Variants in WDFY4 observed in about 807,000 individuals in gnomAD.
WDFY4 encodes WD repeat- and FYVE domain-containing protein 4.
A neutral mutation model predicts 351.9 loss-of-function variants in WDFY4; 169 were observed. The observed-to-expected ratio is 0.48, with a 90% CI of 0.42 to 0.55. The LOEUF is 0.55. Ranked by LOEUF, WDFY4 falls within the 20% of genes least tolerant of loss-of-function variation. The pLI is 0.00. For synonymous variants in WDFY4, 1,622 were observed against 1,574.6 expected, an observed-to-expected ratio of 1.03 and a Z score of -0.71; for missense variants, 3,803 against 3,935.6, an observed-to-expected ratio of 0.97 and a Z score of 0.90.
chr10:48,797,828 A>G (rs1461642048), intron 24 of WDFY4, among the ~76,000 whole-genome samples: 1 of 152,266 alleles, frequency 6.6e-6, no homozygotes, highest in African/African-American at 2.4e-5. Flanking sequence ...AACAATTTTT[A>G]GATTGTTGAT....
chr10:48,901,171 A>T (rs1455850115), intron 46 of WDFY4, among the ~76,000 whole-genome samples: 2 of 152,228 alleles, frequency 1.3e-5, no homozygotes, highest in Non-Finnish European at 2.9e-5. Context: ...TGCTAGTTCT[A>T]GGCGCACTTC....
intron 2 of WDFY4, among the ~76,000 whole-genome samples, chr10:48,718,803 C>T (rs766403447): frequency 1.3e-5 from 2 of 152,176 alleles, no homozygotes; most frequent in Admixed American, 6.5e-5. Context: ...GGATGAAAAG[C>T]GGACTTACGA....
At position 48,877,145 on chromosome 10, in the gene WDFY4, G is replaced by A. The variant is rs2070049980; in HGVS notation, c.7113G>A (p.Leu2371=). 1 of 1,551,502 alleles carries A rather than the reference G, an allele frequency of 6.4e-7. No homozygotes were observed. The highest frequency in any genetic ancestry group is 8.7e-7 in the Non-Finnish European group (1 of 1,146,938). The part of the protein sequence containing the change: ...LHESLHSEDF[L]ELCRERQVIL... ...AAAGTCTGCACTCAGAAGACTTCTT[G>A]GAACTGTGTCGGGAAAGACAAGTTA... The change falls in exon 43 of 62, where the codon TTG becomes TTA. Residue 2371 remains leucine, a synonymous_variant. Coordinates refer to ENST00000325239, the MANE Select transcript of WDFY4 (RefSeq NM_001394531.1).
intron 13 of WDFY4, among the ~76,000 whole-genome samples, chr10:48,768,016 G>C (rs1272431330): frequency 6.6e-6 from 1 of 152,116 alleles, no homozygotes; most frequent in Non-Finnish European, 1.5e-5. Flanking sequence ...GGACCACACT[G>C]GGGACTGTTG....
At chr10:48,888,664 G>A (rs889596136) in intron 43 of WDFY4, among the ~76,000 whole-genome samples, 5 of 152,126 alleles carry the variant, frequency 3.3e-5, no homozygotes, top group African/African-American at 7.2e-5. Flanking sequence ...CATCTTAGCC[G>A]TACTGACCAC....
In WDFY4 at chr10:48,890,569, C is replaced by G; in HGVS notation, c.7168-10C>G. ...GTGCACCACCTGACTCTGCCACTCT[C>G]TCCTTCCAGGTGACGCAGAAGTTCT... On this transcript the variant is annotated splice_polypyrimidine_tract_variant and intron_variant, in intron 43 of 61. Coordinates refer to ENST00000325239, the MANE Select transcript of WDFY4 (RefSeq NM_001394531.1). The G allele has an allele frequency of 6.4e-7, 1 of 1,551,706 alleles. No homozygotes were observed. Among genetic ancestry groups the G allele is most frequent in the Non-Finnish European group, 8.7e-7 (1 of 1,146,970 alleles).
At chr10:48,905,298 C>T (rs1837559332) in intron 47 of WDFY4, among the ~76,000 whole-genome samples, 1 of 152,196 alleles carries the variant, frequency 6.6e-6, no homozygotes, top group Admixed American at 6.5e-5. Flanking sequence ...AGCTTACCCC[C>T]AGCTGTGCCC....
chr10:48,761,164 G>C (rs2065489896), intron 13 of WDFY4, among the ~76,000 whole-genome samples: 1 of 152,060 alleles, frequency 6.6e-6, no homozygotes, highest in South Asian at 2.1e-4. Context: ...GGTGGGAAGG[G>C]GCCTGCTGTT....
intron 10 of WDFY4, among the ~76,000 whole-genome samples, chr10:48,734,553 G>A (rs1275724983): frequency 6.7e-6 from 1 of 148,938 alleles, no homozygotes; most frequent in Non-Finnish European, 1.5e-5. Flanking sequence ...TAATGACATA[G>A]ACACACCAAC....
chr10:48,908,272 G>A (rs1837727159), intron 47 of WDFY4, among the ~76,000 whole-genome samples: 1 of 152,216 alleles, frequency 6.6e-6, no homozygotes, highest in African/African-American at 2.4e-5. Context: ...GGGAACAGGT[G>A]TGCAAATGCC....
intron 43 of WDFY4, among the ~76,000 whole-genome samples, chr10:48,880,939 G>C (rs535973149): frequency 6.6e-6 from 1 of 152,138 alleles, no homozygotes; most frequent in African/African-American, 2.4e-5. Context: ...AGGCAGGGGT[G>C]GGGTAAAAAC....
At chr10:48,716,684 A>G (rs1398115123) in intron 2 of WDFY4, among the ~76,000 whole-genome samples, 1 of 152,202 alleles carries the variant, frequency 6.6e-6, no homozygotes, top group African/African-American at 2.4e-5. Flanking sequence ...ATTACTGTTC[A>G]GCTCACAGTG....
At chr10:48,895,429 G>C (rs773443325) in intron 44 of WDFY4, among the ~76,000 whole-genome samples, 1 of 152,218 alleles carries the variant, frequency 6.6e-6, no homozygotes, top group African/African-American at 2.4e-5. Flanking sequence ...TGGGGCAGGG[G>C]CCTTTGTAGC....
chr10:48,975,775 C>T (rs1284996360), intron 58 of WDFY4, among the ~76,000 whole-genome samples: 8 of 150,958 alleles, frequency 5.3e-5, no homozygotes, highest in Non-Finnish European at 7.4e-5. Context: ...GATGGATGGA[C>T]GGGTGGATAG....
intron 23 of WDFY4, among the ~76,000 whole-genome samples, chr10:48,793,748 T>A (rs1027679830): frequency 2.0e-5 from 3 of 152,212 alleles, no homozygotes; most frequent in East Asian, 1.9e-4. Flanking sequence ...GATTGAGGAA[T>A]GAATCCGTGA....
chr10:48,981,431 G>C lies in WDFY4; in HGVS notation c.9441G>C (p.Gly3147=). ...RELDVSIALT[G]KPSKTSPAVT... ...TGGACGTTAGCATTGCTTTGACAGG[G>C]AAGCCCAGCAAAACCAGCCCCGCAG... is the stretch of plus-strand genomic sequence containing the variant. Residue 3147 remains glycine, a synonymous_variant, in exon 61 of 62, where the codon GGG becomes GGC. Coordinates refer to ENST00000325239, the MANE Select transcript of WDFY4 (RefSeq NM_001394531.1). 5 of 1,551,770 alleles carry C rather than the reference G, an allele frequency of 3.2e-6. No homozygotes were observed. Among genetic ancestry groups the C allele is most frequent in the Non-Finnish European group, 4.4e-6 (5 of 1,147,008 alleles).
intron 47 of WDFY4, among the ~76,000 whole-genome samples, chr10:48,934,403 C>T (rs7072322): frequency 0.36 from 55,153 of 151,686 alleles, 10,553 homozygotes; most frequent in African/African-American, 0.49. Context: ...TCATCTCCAC[C>T]GGGGGGATAC....
intron 39 of WDFY4, among the ~76,000 whole-genome samples, chr10:48,848,557 T>C (rs1413993095): frequency 6.6e-6 from 1 of 151,878 alleles, no homozygotes; most frequent in Middle Eastern, 3.2e-3. Context: ...ACCCCTGGGG[T>C]ATTTTACTCT....
intron 1 of WDFY4, among the ~76,000 whole-genome samples, chr10:48,703,480 G>T (rs1212482738): frequency 6.6e-6 from 1 of 152,216 alleles, no homozygotes; most frequent in Non-Finnish European, 1.5e-5. Flanking sequence ...GACAAGAAAT[G>T]GGGAAAGAAT....
Sources: allele counts gnomAD v4.1 joint callset (sites outside exome capture counted in the v4.1 genomes callset), GRCh38; gene constraint gnomAD v4.1.1; transcripts MANE v1.5; gene names NCBI Gene and HGNC (gene_info 2026-07-23, HGNC 2026-07-21).